The following ANKS3 variants were observed in gnomAD, a reference collection of about 807,000 sequenced individuals.
ANKS3 encodes the protein ankyrin repeat and sterile alpha motif domain containing 3, also known as ankyrin repeat and SAM domain-containing protein 3.
Under a neutral mutation model 80.7 loss-of-function variants are expected in ANKS3, and 62 were observed. That is an observed-to-expected ratio of 0.77 (90% CI 0.63 to 0.95). The LOEUF (loss-of-function observed/expected upper bound fraction) is 0.95. Among genes scored for constraint, ANKS3 ranks in the 40% least tolerant of loss-of-function variants. ANKS3 has a pLI of 0.00. For synonymous variants in ANKS3, 489 were observed against 355.3 expected (o/e 1.38, Z -4.23); for missense variants, 1,150 against 883.6 (o/e 1.30, Z -3.82).
chr16:4,728,629 C>G (rs1000723150), intron 3 of ANKS3, among the ~76,000 whole-genome samples: 1 of 152,132 alleles, frequency 6.6e-6, no homozygotes, highest in African/African-American at 2.4e-5. Flanking sequence ...CCCCCAGCTC[C>G]CCTCAGGCCC....
chr16:4,717,908 G>A (rs560546660), intron 6 of ANKS3, among the ~76,000 whole-genome samples: 8 of 151,740 alleles, frequency 5.3e-5, no homozygotes, highest in Admixed American at 3.3e-4. Flanking sequence ...TGATTCTCCC[G>A]CCTCAGCCTC....
At chr16:4,717,731 C>G (rs1037026250) in intron 6 of ANKS3, among the ~76,000 whole-genome samples, 1 of 152,108 alleles carries the variant, frequency 6.6e-6, no homozygotes, top group South Asian at 2.1e-4. Context: ...TCATTGCAAC[C>G]CTGACCTCCC....
At position 4,697,052 on chromosome 16, in the gene ANKS3, G is replaced by T; in HGVS notation, c.1947C>A (p.Asn649Lys). The change falls in exon 17 of 18, where the codon AAC becomes AAA. Residue 649 changes from asparagine to lysine, a missense_variant. Transcript: ENST00000304283. Reference sequence around the variant, plus strand: ...GCTAGGTCTCCCGCCACTTCTTCCCGTTCAGCACCTGCAGCTTCTCCAGGC... The same window carrying T: ...GCTAGGTCTCCCGCCACTTCTTCCCTTTCAGCACCTGCAGCTTCTCCAGGC... Reference protein sequence around the residue: ...TQSLEKLQVLNGKKWRET With the variant: ...TQSLEKLQVLKGKKWRET 2 of 1,613,826 alleles carry T rather than the reference G, an allele frequency of 1.2e-6. No homozygotes were observed. Among genetic ancestry groups the T allele is most frequent in the Non-Finnish European group, 1.7e-6 (2 of 1,179,952 alleles).
intron 16 of ANKS3, 67 bp downstream of exon 16, chr16:4,697,266 A>G (rs2079613646): frequency 6.4e-7 from 1 of 1,552,650 alleles, no homozygotes; most frequent in Non-Finnish European, 8.8e-7. Flanking sequence ...CTTTCCCTGG[A>G]AAGGGGTCCC....
chr16:4,701,507 T>G lies in ANKS3; in HGVS notation c.1046A>C (p.Gln349Pro). 6.2e-7 allele frequency: 1 copy of G among 1,611,890 alleles called. No individual in the cohort carries two copies. Among genetic ancestry groups the G allele is most frequent in the Non-Finnish European group, 8.5e-7 (1 of 1,178,880 alleles). ...CAGGCCCTCGCTGCTGCTGCTGCTC[T>G]GGACGGGCCCCAGGTTGGCACAGAA... Reference protein sequence around the residue: ...HAFCANLGPVQSSSSSEGLAR... With the variant: ...HAFCANLGPVPSSSSSEGLAR... Residue 349 changes from glutamine (Q) to proline (P), a missense_variant, in exon 10 of 18, where the codon CAG becomes CCG. Gln to Pro is a moderately conservative substitution (Grantham distance 76, BLOSUM62 -1). Coordinates refer to ENST00000304283, the MANE Select transcript of ANKS3 (RefSeq NM_133450.4).
At chr16:4,731,843 G>A (rs993044314) in intron 1 of ANKS3, among the ~76,000 whole-genome samples, 1 of 151,966 alleles carries the variant, frequency 6.6e-6, no homozygotes, top group Non-Finnish European at 1.5e-5. Context: ...CATGGGTAAC[G>A]GCACACCAGG....
intron 11 of ANKS3, chr16:4,699,555 C>A: frequency 4.1e-6 from 1 of 242,626 alleles, no homozygotes; most frequent in South Asian, 5.9e-5. Context: ...CTTGTCTAAG[C>A]GCAGCTCTTC....
chr16:4,716,613 T>C (rs979000229), intron 6 of ANKS3, among the ~76,000 whole-genome samples: 12 of 152,016 alleles, frequency 7.9e-5, no homozygotes, highest in African/African-American at 2.9e-4. Context: ...TATGAGACTT[T>C]GTGCCTTAAA....
chr16:4,704,976 C>T (rs1194980126), intron 8 of ANKS3, 119 bp downstream of exon 8: 17 of 1,372,752 alleles, frequency 1.2e-5, no homozygotes, highest in East Asian at 4.6e-5. Context: ...CCACCTGTCC[C>T]GCTGCCACCT....
At chr16:4,730,813 T>C (rs1214326407) in intron 2 of ANKS3, among the ~76,000 whole-genome samples, 1 of 151,828 alleles carries the variant, frequency 6.6e-6, no homozygotes, top group East Asian at 1.9e-4. Flanking sequence ...GATCACGCCA[T>C]TGCACTCCAG....
intron 5 of ANKS3, among the ~76,000 whole-genome samples, chr16:4,726,049 C>CACTGCAA (rs2142149932): frequency 6.6e-6 from 1 of 150,760 alleles, no homozygotes; most frequent in Admixed American, 6.6e-5. Flanking sequence ...AATCTCGGCT[C>CACTGCAA]ACTGCAAGCT....
Position 4,698,868 on chromosome 16 carries a change from C to T in ANKS3, c.1483G>A (p.Ala495Thr). ...WHSSARPPGD[A>T]LELAYADRLE... Reference sequence around the variant, plus strand: ...CGGTCGGCGTAGGCCAGCTCCAGGGCATCCCCGGGTGGGCGGGCACTGCTG... The same window carrying T: ...CGGTCGGCGTAGGCCAGCTCCAGGGTATCCCCGGGTGGGCGGGCACTGCTG... The change falls in exon 13 of 18, where the codon GCC becomes ACC. Residue 495 changes from alanine (A) to threonine (T), a missense_variant. By Grantham distance (58) the Ala-to-Thr change is moderately conservative. Transcript: ENST00000304283. The T allele has an allele frequency of 1.2e-6, 2 of 1,602,170 alleles. No homozygotes were observed. Among genetic ancestry groups the T allele is most frequent in the Non-Finnish European group, 1.7e-6 (2 of 1,173,848 alleles).
chr16:4,714,047 G>A lies in ANKS3; in HGVS notation c.709+4C>T, dbSNP rs1383470456. The A allele has an allele frequency of 6.2e-7, 1 of 1,613,956 alleles. No homozygotes were observed. The highest frequency in any genetic ancestry group is 1.1e-5 in the South Asian group (1 of 91,066). On this transcript the variant is annotated splice_donor_region_variant and intron_variant, in intron 7 of 17. Transcript: ENST00000304283. ...AGCAGGGCGCGGCTGGCAGGTGTGG[G>A]TACCTGGGCTCCGATAGAGGCTCTT...
At chr16:4,697,130 T>C in intron 16 of ANKS3, 26 bp from the exon 17 acceptor site, 1 of 1,609,666 alleles carries the variant, frequency 6.2e-7, no homozygotes, top group Non-Finnish European at 8.5e-7. Flanking sequence ...CTTGAGCCTC[T>C]CCCGGCCAGG....
chr16:4,711,595 G>A (rs1253337942), intron 7 of ANKS3, among the ~76,000 whole-genome samples: 2 of 151,386 alleles, frequency 1.3e-5, no homozygotes, highest in Non-Finnish European at 2.9e-5. Context: ...GCGCATGCCT[G>A]TAATCCCATC....
chr16:4,724,160 A>T (rs2081241814), intron 6 of ANKS3, among the ~76,000 whole-genome samples: 1 of 152,260 alleles, frequency 6.6e-6, no homozygotes, highest in Admixed American at 6.5e-5. Flanking sequence ...AACACTGTTT[A>T]TAATTGCAAA....
At chr16:4,721,937 C>T (rs746298794) in intron 6 of ANKS3, among the ~76,000 whole-genome samples, 6 of 151,212 alleles carry the variant, frequency 4.0e-5, no homozygotes, top group Non-Finnish European at 7.4e-5. Flanking sequence ...CACCTGGCCC[C>T]GTCTCTTTAT....
chr16:4,709,665 G>A (rs781071929), intron 7 of ANKS3, among the ~76,000 whole-genome samples: 1 of 152,140 alleles, frequency 6.6e-6, no homozygotes, highest in Non-Finnish European at 1.5e-5. Flanking sequence ...GTGGCAACAT[G>A]AATAAGCCTG....
chr16:4,729,878 C>T (rs906813099), intron 3 of ANKS3, 102 bp downstream of exon 3: 10 of 1,172,306 alleles, frequency 8.5e-6, no homozygotes, highest in South Asian at 5.3e-5. Context: ...CTATTCTACA[C>T]GCATTAAACA....
Sources: allele counts gnomAD v4.1 joint callset (sites outside exome capture counted in the v4.1 genomes callset), GRCh38; gene constraint gnomAD v4.1.1; transcripts MANE v1.5; gene names NCBI Gene and HGNC (gene_info 2026-07-23, HGNC 2026-07-21).